ZFYVE26: variants seen among roughly 807,000 people sequenced by gnomAD.
ZFYVE26 encodes the protein zinc finger FYVE domain-containing protein 26.
A neutral mutation model predicts 276.5 loss-of-function variants in ZFYVE26; 181 were observed. The observed-to-expected ratio is 0.65, with a 90% CI of 0.58 to 0.74. The LOEUF (loss-of-function observed/expected upper bound fraction) is 0.74. Among genes scored for constraint, ZFYVE26 ranks in the 30% least tolerant of loss-of-function variants. The pLI, the probability that ZFYVE26 is intolerant of heterozygous loss-of-function variation, is 0.00. For missense variants in ZFYVE26, 2,821 were observed against 3,097.9 expected, an observed-to-expected ratio of 0.91 and a Z score of 2.12; for synonymous variants, 1,129 against 1,203.1, an observed-to-expected ratio of 0.94 and a Z score of 1.27.
chr14:67,790,798 G>A (rs1420502325), intron 14 of ZFYVE26, 25 bp from the exon 15 acceptor site: 1 of 1,606,454 alleles, frequency 6.2e-7, no homozygotes, highest in Non-Finnish European at 8.5e-7. Context: ...GGAGTGTGTG[G>A]GCCCTGGTGG....
At chr14:67,800,434 G>A (rs866157943) in intron 10 of ZFYVE26, among the ~76,000 whole-genome samples, 37 of 152,212 alleles carry the variant, frequency 2.4e-4, no homozygotes, top group African/African-American at 8.2e-4. Flanking sequence ...AACAAAGAGT[G>A]AAATCCAAAC....
downstream of ZFYVE26, among the ~76,000 whole-genome samples, chr14:67,742,744 T>C (rs2140170867): frequency 6.6e-6 from 1 of 152,234 alleles, no homozygotes; most frequent in East Asian, 1.9e-4. Flanking sequence ...TTGAATGTTT[T>C]CAAATGAGGA....
At chr14:67,791,622 T>C (rs1328675290) in intron 14 of ZFYVE26, among the ~76,000 whole-genome samples, 2 of 151,256 alleles carry the variant, frequency 1.3e-5, no homozygotes, top group Non-Finnish European at 2.9e-5. Context: ...ACTTATTCTG[T>C]CTGTATCCAG....
chr14:67,779,137 C>T (rs1174072500), intron 23 of ZFYVE26, among the ~76,000 whole-genome samples: 1 of 152,222 alleles, frequency 6.6e-6, no homozygotes, highest in East Asian at 1.9e-4. Context: ...AAAAGGTAGA[C>T]AAAATCCTAC....
At chr14:67,814,850 A>G (rs1217805451) in intron 2 of ZFYVE26, among the ~76,000 whole-genome samples, 2 of 152,254 alleles carry the variant, frequency 1.3e-5, no homozygotes, top group Non-Finnish European at 2.9e-5. Flanking sequence ...AAGAAAAGGA[A>G]GGGATCACTT....
intron 21 of ZFYVE26, among the ~76,000 whole-genome samples, 194 bp from the exon 22 acceptor site, chr14:67,781,723 C>T (rs2039506202): frequency 1.3e-5 from 2 of 152,184 alleles, no homozygotes; most frequent in South Asian, 2.1e-4. Flanking sequence ...TGTATCTCTA[C>T]CCTATGTGTA....
intron 13 of ZFYVE26, chr14:67,733,925 A>T: frequency 2.8e-6 from 3 of 1,085,924 alleles, no homozygotes; most frequent in Non-Finnish European, 4.2e-6. Flanking sequence ...GCCAACCCTA[A>T]AGGATTGTCC....
intron 26 of ZFYVE26, among the ~76,000 whole-genome samples, chr14:67,775,643 C>T (rs1211391603): frequency 6.6e-6 from 1 of 152,186 alleles, no homozygotes; most frequent in Admixed American, 6.5e-5. Flanking sequence ...TTATTATGTG[C>T]ATGCAGTGGT....
chr14:67,759,444 T>C (rs1190490221), intron 35 of ZFYVE26, among the ~76,000 whole-genome samples: 1 of 151,590 alleles, frequency 6.6e-6, no homozygotes, highest in East Asian at 1.9e-4. Context: ...GCCAACATGG[T>C]GAAACCCTGT....
chr14:67,789,336 C>G lies in ZFYVE26; in HGVS notation c.3018G>C (p.Arg1006=). ...ATACAGCTAACACAGCACACTCACC[C>G]CGCCTTTCAAGGCTACTATTCAAAC... The part of the protein sequence containing the change: ...ERRLNSSLER[R]GRRIDHVLLN... Residue 1006 remains arginine (R), a splice_region_variant and synonymous_variant, in exon 16 of 42, where the codon CGG becomes CGC. Coordinates refer to ENST00000347230, the MANE Select transcript of ZFYVE26 (RefSeq NM_015346.4). The G allele has an allele frequency of 6.2e-7, 1 of 1,614,134 alleles. No homozygotes were observed. Among genetic ancestry groups the G allele is most frequent in the South Asian group, 1.1e-5 (1 of 91,050 alleles).
At position 67,752,495 on chromosome 14, in the gene ZFYVE26, C is replaced by T. The variant is rs760422569; in HGVS notation, c.7220G>A (p.Cys2407Tyr). The change falls in exon 40 of 42, where the codon TGC becomes TAC. Residue 2407 changes from cysteine (C) to tyrosine (Y), a missense_variant. By Grantham distance (194) the Cys-to-Tyr change is radical. Coordinates refer to ENST00000347230, the MANE Select transcript of ZFYVE26 (RefSeq NM_015346.4). The part of the protein sequence containing the change: ...DFQLDAAMTY[C>Y]RAARQLVEKE... ...CTCCACCAACTGGCGGGCAGCTCTG[C>T]AGTAGGTCATGGCAGCATCCAGCTG... 11 of 1,614,046 alleles carry T rather than the reference C, an allele frequency of 6.8e-6. No homozygotes were observed. The Admixed American group carries it at 1.3e-4, about 20-fold the overall frequency.
chr14:67,775,712 C>T, intron 26 of ZFYVE26, 148 bp downstream of exon 26: 1 of 1,168,460 alleles, frequency 8.6e-7, no homozygotes, highest in South Asian at 1.3e-5. Flanking sequence ...AAGATCTCTC[C>T]TATATAATAA....
chr14:67,753,889 C>A, intron 38 of ZFYVE26, 123 bp from the exon 39 acceptor site: 1 of 1,480,552 alleles, frequency 6.8e-7, no homozygotes, highest in Admixed American at 1.7e-5. Context: ...CTGCTAAGTG[C>A]CAGGCACTAG....
In ZFYVE26 at chr14:67,781,468, G is replaced by C. The variant is rs1594911372; in HGVS notation, c.4434C>G (p.Ala1478=). ...VKDASLRSRL[A]LQFVDRWPLE... is the part of the protein sequence containing the mutation. ...GGGGCCACCTGTCCACAAACTGTAG[G>C]GCCAGCCGACTTCTCAGAGATGCAT... The change falls in exon 22 of 42, where the codon GCC becomes GCG. Residue 1478 remains alanine, a synonymous_variant. Transcript: ENST00000347230. 5 of 1,614,018 alleles carry C rather than the reference G, an allele frequency of 3.1e-6. No homozygotes were observed. Among genetic ancestry groups the C allele is most frequent in the Non-Finnish European group, 4.2e-6 (5 of 1,180,046 alleles).
At chr14:67,795,322 C>T (rs2039929001) in intron 12 of ZFYVE26, among the ~76,000 whole-genome samples, 1 of 152,200 alleles carries the variant, frequency 6.6e-6, no homozygotes, top group African/African-American at 2.4e-5. Context: ...CGGCATCCTC[C>T]GCCCCACCCA....
chr14:67,780,300 A>G lies in ZFYVE26; in HGVS notation c.4615T>C (p.Leu1539=). The change falls in exon 23 of 42, where the codon TTG becomes CTG. Residue 1539 remains leucine, a synonymous_variant. Transcript: ENST00000347230. ...SPPVWCDWQT[L]RSCCVEDPST... Reference sequence around the variant, plus strand: ...GGGTCCTCAACACAACAGCTCCTCAAGGTCTGCCAGTCACACCACACTGGG... The same window carrying G: ...GGGTCCTCAACACAACAGCTCCTCAGGGTCTGCCAGTCACACCACACTGGG... 1 of 1,613,988 alleles carries G rather than the reference A, an allele frequency of 6.2e-7. No individual in the cohort carries two copies. Among genetic ancestry groups the G allele is most frequent in the Non-Finnish European group, 8.5e-7 (1 of 1,179,988 alleles).
rs754770684 is a variant in ZFYVE26, at chr14:67,769,595, C to T, written c.5620G>A (p.Asp1874Asn). 6 of 1,613,942 alleles carry T rather than the reference C, an allele frequency of 3.7e-6. No individual in the cohort carries two copies. The highest frequency in any genetic ancestry group is 5.1e-6 in the Non-Finnish European group (6 of 1,179,864). The part of the protein sequence containing the change: ...CDQCYSYCNK[D>N]VPEEPSEKPE... ...ACAGCCCTGCTGTAGGACACTCACTCTTTGTTGCAGTAACTATAGCACTGA... is the reference window on the plus strand; with the variant it reads ...ACAGCCCTGCTGTAGGACACTCACTTTTTGTTGCAGTAACTATAGCACTGA... Residue 1874 changes from aspartate to asparagine, a missense_variant and splice_region_variant, in exon 29 of 42, where the codon GAT (aspartate) becomes AAT (asparagine). Physicochemically the swap from Asp to Asn is conservative, Grantham distance 23. Coordinates refer to ENST00000347230, the MANE Select transcript of ZFYVE26 (RefSeq NM_015346.4).
chr14:67,786,338 A>G, intron 16 of ZFYVE26, 105 bp from the exon 17 acceptor site: 2 of 1,380,074 alleles, frequency 1.4e-6, no homozygotes, highest in Non-Finnish European at 2.0e-6. Flanking sequence ...ATCCTCTCCA[A>G]TATTAAGGAG....
At chr14:67,748,780 A>G in intron 41 of ZFYVE26, 141 bp from the exon 42 acceptor site, 1 of 850,044 alleles carries the variant, frequency 1.2e-6, no homozygotes. Context: ...ATTTTATGGT[A>G]TTATAACAAC....
Sources: allele counts gnomAD v4.1 joint callset (sites outside exome capture counted in the v4.1 genomes callset), GRCh38; gene constraint gnomAD v4.1.1; transcripts MANE v1.5; gene names NCBI Gene and HGNC (gene_info 2026-07-23, HGNC 2026-07-21).